Variants in CLTA observed in about 807,000 individuals in gnomAD.
CLTA encodes the protein clathrin light chain A.
Under a neutral mutation model 26.9 loss-of-function variants are expected in CLTA, and 9 were observed. The observed-to-expected ratio is 0.33, with a 90% CI of 0.20 to 0.58. The LOEUF is 0.58. Among genes scored for constraint, CLTA ranks in the 20% least tolerant of loss-of-function variants. The pLI, the probability that CLTA is intolerant of heterozygous loss-of-function variation, is 0.85. For synonymous variants in CLTA, 120 were observed against 115.5 expected (o/e 1.04, Z -0.25); for missense variants, 278 against 294.2 (o/e 0.94, Z 0.40).
rs751085255 is a variant in CLTA at position 36,191,148 on chromosome 9, C to T, written c.92C>T (p.Pro31Leu). The stretch of plus-strand genomic sequence containing the variant: ...GTGGCCGGCGCCGGCGAAGAAGACC[C>T]GGCTGCGGCCTTCTTGGCGCAGCAA... Reference protein sequence around the residue: ...NGVAGAGEEDPAAAFLAQQES... With the variant: ...NGVAGAGEEDLAAAFLAQQES... The change falls in exon 1 of 5, where the codon CCG (proline) becomes CTG (leucine). Residue 31 changes from proline to leucine, a missense_variant. By Grantham distance (98) the Pro-to-Leu change is moderately conservative (BLOSUM62 -3). Coordinates refer to ENST00000345519, the MANE Select transcript of CLTA (RefSeq NM_001833.4). The T allele has an allele frequency of 1.9e-6, 3 of 1,599,304 alleles. No homozygotes were observed. Among genetic ancestry groups the T allele is most frequent in the African/African-American group, 2.7e-5 (2 of 74,330 alleles).
At chr9:36,206,741 G>A (rs566749472) in intron 4 of CLTA, among the ~76,000 whole-genome samples, 18 of 151,756 alleles carry the variant, frequency 1.2e-4, no homozygotes, top group Non-Finnish European at 2.2e-4. Flanking sequence ...CTAAAAATGC[G>A]AAAATTAACT....
chr9:36,210,582 A>C, intron 4 of CLTA: 1 of 1,613,890 alleles, frequency 6.2e-7, no homozygotes, highest in Non-Finnish European at 8.5e-7. Flanking sequence ...TCTATATCTG[A>C]CTTAAAGTTT....
chr9:36,205,498 G>A (rs535920998), intron 4 of CLTA, among the ~76,000 whole-genome samples: 95 of 152,226 alleles, frequency 6.2e-4, no homozygotes, highest in African/African-American at 1.9e-3. Flanking sequence ...AGCACCCTGC[G>A]AGCCCTGAGA....
intron 2 of CLTA, among the ~76,000 whole-genome samples, chr9:36,198,505 G>A (rs1304380480): frequency 6.6e-5 from 10 of 151,684 alleles, no homozygotes; most frequent in Admixed American, 4.6e-4. Context: ...AGTGAAACCC[G>A]TCTCTGCTAA....
intron 1 of CLTA, among the ~76,000 whole-genome samples, chr9:36,197,044 G>A (rs1475349564): frequency 6.6e-6 from 1 of 152,112 alleles, no homozygotes; most frequent in East Asian, 1.9e-4. Flanking sequence ...GCGTGGTGGC[G>A]CATGCCTGCA....
chr9:36,190,935 T>TC lies in CLTA; in HGVS notation c.-119dup. 7.1e-7 allele frequency: 1 copy of TC among 1,415,980 alleles called. No homozygotes were observed. The highest frequency in any genetic ancestry group is 9.2e-7 in the Non-Finnish European group (1 of 1,091,028). The allele number at this position is 1,415,980 out of a possible 1,614,324, so 87.7% of individuals were successfully genotyped here. A position where few individuals can be genotyped will look rare whatever the true frequency, so the allele number is the denominator to read the frequency against. ...GGGTAGGGCTTCCGCTTTACCCGTCTCCCTCCTGGCGCTTGTCCTCCTCTC... is the reference window on the plus strand; with the variant it reads ...GGGTAGGGCTTCCGCTTTACCCGTCTCCCCTCCTGGCGCTTGTCCTCCTCTC... On this transcript the variant is annotated 5_prime_UTR_variant, in exon 1 of 5. Coordinates refer to ENST00000345519, the MANE Select transcript of CLTA (RefSeq NM_001833.4).
intron 2 of CLTA, among the ~76,000 whole-genome samples, chr9:36,197,936 A>G (rs1315171688): frequency 2.0e-5 from 3 of 149,912 alleles, no homozygotes; most frequent in South Asian, 2.1e-4. Flanking sequence ...TAATATTAAT[A>G]TTCCTTAGTT....
chr9:36,206,563 G>C lies in CLTA; in HGVS notation c.485+2384G>C, dbSNP rs552800958. Among the ~76,000 whole-genome samples the C allele has an allele frequency of 4.6e-5, 7 of 152,230 alleles. No homozygotes were observed. The East Asian group carries it at 1.4e-3, about 29-fold the overall frequency. ...TAGATGTATAAAGTAATTCATCCTTGTTATCTGTCTATGGGTAAAGAGTGA... is the reference window on the plus strand; with the variant it reads ...TAGATGTATAAAGTAATTCATCCTTCTTATCTGTCTATGGGTAAAGAGTGA... On this transcript the variant is annotated intron_variant, in intron 4 of 4. Coordinates refer to ENST00000345519, the MANE Select transcript of CLTA (RefSeq NM_001833.4).
chr9:36,194,692 A>G (rs1826925601), intron 1 of CLTA, among the ~76,000 whole-genome samples: 1 of 152,218 alleles, frequency 6.6e-6, no homozygotes. Context: ...TCACTTTTGA[A>G]AACTGGCCCT....
At chr9:36,203,134 G>A (rs908304896) in intron 3 of CLTA, among the ~76,000 whole-genome samples, 1 of 151,954 alleles carries the variant, frequency 6.6e-6, no homozygotes, top group Non-Finnish European at 1.5e-5. Flanking sequence ...CAAGCAGCCG[G>A]CATGTATTTC....
intron 2 of CLTA, 71 bp from the exon 3 acceptor site, chr9:36,198,908 T>C: frequency 1.0e-6 from 1 of 971,100 alleles, no homozygotes; most frequent in South Asian, 1.3e-5. Context: ...CCAGGGGTTC[T>C]AACTCAGGTG....
At chr9:36,198,257 C>A (rs897195643) in intron 2 of CLTA, among the ~76,000 whole-genome samples, 1 of 151,938 alleles carries the variant, frequency 6.6e-6, no homozygotes, top group African/African-American at 2.4e-5. Context: ...CTTGGCCTCC[C>A]AAAGTGCTGG....
In CLTA at chr9:36,197,738, T is replaced by A. The variant is rs539364257; in HGVS notation, c.255+150T>A. On this transcript the variant is annotated intron_variant, in intron 2 of 4. Transcript: ENST00000345519. ...GTGTTATCTACCAAAGTGGAAAGATTTAAAGAGAGGTAGCATTGATAAAAA... is the reference window on the plus strand; with the variant it reads ...GTGTTATCTACCAAAGTGGAAAGATATAAAGAGAGGTAGCATTGATAAAAA... The A allele has an allele frequency of 1.4e-3, 889 of 630,904 alleles. 2 individuals are homozygous for A. Among genetic ancestry groups the A allele is most frequent in the Non-Finnish European group, 2.2e-3 (774 of 357,940 alleles). 39.1% of individuals were successfully genotyped at this position (630,904 alleles called of 1,614,324 possible).
chr9:36,195,166 T>C (rs984420869), intron 1 of CLTA, among the ~76,000 whole-genome samples: 3 of 152,136 alleles, frequency 2.0e-5, no homozygotes, highest in East Asian at 3.8e-4. Context: ...AAATTCCAGG[T>C]GGATTAAAGA....
chr9:36,192,244 A>C (rs1012495387), intron 1 of CLTA, among the ~76,000 whole-genome samples: 3 of 152,218 alleles, frequency 2.0e-5, no homozygotes, highest in African/African-American at 7.2e-5. Context: ...TTCAAACCTT[A>C]AGGAGCCAGG....
intron 4 of CLTA, among the ~76,000 whole-genome samples, chr9:36,210,265 C>T (rs1827965631): frequency 6.6e-6 from 1 of 152,148 alleles, no homozygotes; most frequent in Admixed American, 6.5e-5. Flanking sequence ...GGGCGATGAG[C>T]TCAGGTCTGT....
intron 3 of CLTA, among the ~76,000 whole-genome samples, chr9:36,203,053 G>A (rs542566557): frequency 2.6e-5 from 4 of 152,006 alleles, no homozygotes; most frequent in South Asian, 2.1e-4. Context: ...GGCTGGTCTC[G>A]AACTCCTAAC....
chr9:36,199,043 C>T lies in CLTA; in HGVS notation c.320C>T (p.Pro107Leu). The T allele has an allele frequency of 6.2e-7, 1 of 1,613,992 alleles. No individual in the cohort carries two copies. ...ISQVDRLQSEPESIRKWREEQ... is the reference protein window; with the variant it reads ...ISQVDRLQSELESIRKWREEQ... ...CAAGTGGATCGATTGCAGTCAGAGC[C>T]TGAAAGTATCCGTAAATGGAGAGAA... The change falls in exon 3 of 5, where the codon CCT becomes CTT. Residue 107 changes from proline to leucine, a missense_variant. Transcript: ENST00000345519.
At chr9:36,198,721 GCAAC>G (rs1827209483) in intron 2 of CLTA, among the ~76,000 whole-genome samples, 1 of 117,234 alleles carries the variant, frequency 8.5e-6, no homozygotes, top group Non-Finnish European at 1.8e-5. Context: ...AAAAAAAAAA[GCAAC>G]CACATAGGCC....
Sources: gnomAD v4.1 joint callset for allele counts (sites outside exome capture counted in the v4.1 genomes callset) on GRCh38, gnomAD v4.1.1 for gene constraint, MANE v1.5 for transcripts, NCBI Gene and HGNC (gene_info 2026-07-23, HGNC 2026-07-21) for gene names.